Variants in ANXA6 observed in about 807,000 individuals in gnomAD.
ANXA6 encodes the protein annexin A6.
In ANXA6, 71 loss-of-function variants were observed where a neutral mutation model predicts 95.4. That is an observed-to-expected ratio of 0.74 (90% CI 0.61 to 0.91). ANXA6 has a LOEUF of 0.91. Ranked by LOEUF, ANXA6 falls within the 40% of genes least tolerant of loss-of-function variation. The probability of loss-of-function intolerance (pLI) is 0.00; values close to 1 mark genes in which losing one functional copy is unlikely to be tolerated. For missense variants in ANXA6, 830 were observed against 876.4 expected (o/e 0.95, Z 0.67); for synonymous variants, 289 against 315.9 (o/e 0.91, Z 0.90).
chr5:151,136,183 C>G (rs1276999744), intron 7 of ANXA6, 73 bp downstream of exon 7: 1 of 1,414,290 alleles, frequency 7.1e-7, no homozygotes, highest in Admixed American at 1.9e-5. Flanking sequence ...CCTGGACATT[C>G]AGATCTACAC....
At position 151,136,282 on chromosome 5, in the gene ANXA6, G is replaced by C. The variant is rs773983275; in HGVS notation, c.463C>G (p.Gln155Glu). Residue 155 changes from glutamine (Q) to glutamate (E), a missense_variant, in exon 7 of 26, where the codon CAG becomes GAG. Gln to Glu is a conservative substitution (Grantham distance 29). Coordinates refer to ENST00000354546, the MANE Select transcript of ANXA6 (RefSeq NM_001155.5). Reference protein sequence around the residue: ...DIIGDTSGHFQKMLVVLLQGT... With the variant: ...DIIGDTSGHFEKMLVVLLQGT... ...TGGAGCAGGACCACAAGCATCTTCT[G>C]GAAGTGGCCAGAGGTGTCGCCGATG... The C allele has an allele frequency of 3.7e-6, 6 of 1,613,852 alleles. No homozygotes were observed. Among genetic ancestry groups the C allele is most frequent in the Non-Finnish European group, 5.1e-6 (6 of 1,179,886 alleles).
At position 151,101,395 on chromosome 5, in the gene ANXA6, C is replaced by T. The variant is rs1168577257; in HGVS notation, c.*53G>A. On this transcript the variant is annotated 3_prime_UTR_variant, in exon 26 of 26. Coordinates refer to ENST00000354546, the MANE Select transcript of ANXA6 (RefSeq NM_001155.5). ...CTGGAACAATCAGGCTTGGCCATGG[C>T]GGCTGGTGCTGATAACCATTTCTTG... 6.1e-6 allele frequency: 8 copies of T among 1,321,298 alleles called. No homozygotes were observed. Among genetic ancestry groups the T allele is most frequent in the Middle Eastern group, 2.0e-4 (1 of 5,002 alleles). 81.8% of individuals were successfully genotyped at this position (1,321,298 alleles called of 1,614,324 possible).
chr5:151,107,214 A>G (rs1764717864), intron 23 of ANXA6, among the ~76,000 whole-genome samples: 2 of 152,270 alleles, frequency 1.3e-5, no homozygotes, highest in Non-Finnish European at 1.5e-5. Context: ...ACCCTTGTCC[A>G]GTGAGTATTA....
intron 23 of ANXA6, 66 bp downstream of exon 23, chr5:151,108,389 A>G (rs1256402190): frequency 6.9e-7 from 1 of 1,452,446 alleles, no homozygotes; most frequent in South Asian, 1.1e-5. Flanking sequence ...CCAAGGTTCT[A>G]TTCTTCCAGA....
chr5:151,120,278 C>CT (rs1765126186), intron 17 of ANXA6, among the ~76,000 whole-genome samples: 1 of 152,074 alleles, frequency 6.6e-6, no homozygotes, highest in African/African-American at 2.4e-5. Flanking sequence ...AGCAGGGAAA[C>CT]TATCAGGGAG....
chr5:151,131,816 G>A (rs892292157), intron 10 of ANXA6, among the ~76,000 whole-genome samples: 2 of 152,072 alleles, frequency 1.3e-5, no homozygotes, highest in African/African-American at 4.8e-5. Context: ...CTAACTGCTG[G>A]AATGCCAGAA....
chr5:151,142,989 C>A (rs1765877357), intron 2 of ANXA6, among the ~76,000 whole-genome samples: 1 of 152,194 alleles, frequency 6.6e-6, no homozygotes, highest in South Asian at 2.1e-4. Context: ...CAGCACCAGT[C>A]TCCAATCCAC....
At chr5:151,124,436 A>T in intron 14 of ANXA6, 69 bp from the exon 15 acceptor site, 2 of 1,486,580 alleles carry the variant, frequency 1.3e-6, no homozygotes, top group Non-Finnish European at 1.8e-6. Context: ...GAAAGACAGC[A>T]TGCGAGGGTG....
intron 10 of ANXA6, among the ~76,000 whole-genome samples, chr5:151,132,147 T>TCAGCA (rs2113932250): frequency 6.6e-6 from 1 of 152,254 alleles, no homozygotes; most frequent in East Asian, 1.9e-4. Flanking sequence ...GATTACACAC[T>TCAGCA]CAGCACAGTG....
At position 151,117,109 on chromosome 5, in the gene ANXA6, G is replaced by T; in HGVS notation, c.1572+18C>A. On this transcript the variant is annotated intron_variant, in intron 20 of 25. Transcript: ENST00000354546. Reference sequence around the variant, plus strand: ...GGGACACCCGGCAGAGGTGACTGGGGTGGGCTGGGGGTCTTACCTGGGCAT... The same window carrying T: ...GGGACACCCGGCAGAGGTGACTGGGTTGGGCTGGGGGTCTTACCTGGGCAT... 4 of 1,574,918 alleles carry T rather than the reference G, an allele frequency of 2.5e-6. No homozygotes were observed. Among genetic ancestry groups the T allele is most frequent in the South Asian group, 1.2e-5 (1 of 86,668 alleles).
At chr5:151,145,317 G>T (rs200149888) in intron 2 of ANXA6, among the ~76,000 whole-genome samples, 2 of 152,320 alleles carry the variant, frequency 1.3e-5, no homozygotes, top group East Asian at 1.9e-4. Context: ...GCTGACCTAG[G>T]TCTCACCTCC....
intron 13 of ANXA6, among the ~76,000 whole-genome samples, chr5:151,127,428 GC>G (rs1765357956): frequency 6.6e-6 from 1 of 152,194 alleles, no homozygotes; most frequent in South Asian, 2.1e-4. Context: ...CCACTTCTCT[GC>G]CTTATTTCTC....
chr5:151,119,719 G>A (rs1227153960), intron 17 of ANXA6, among the ~76,000 whole-genome samples: 5 of 152,200 alleles, frequency 3.3e-5, no homozygotes, highest in Non-Finnish European at 5.9e-5. Flanking sequence ...AGAAGGACAC[G>A]CACATGCCTC....
At chr5:151,108,360 GT>G in intron 23 of ANXA6, 94 bp downstream of exon 23, 3 of 1,143,092 alleles carry the variant, frequency 2.6e-6, no homozygotes, top group South Asian at 2.6e-5. Context: ...TTACTTTCCA[GT>G]AGTAGCTTCG....
At chr5:151,143,818 C>A (rs558315013) in intron 2 of ANXA6, among the ~76,000 whole-genome samples, 7 of 151,974 alleles carry the variant, frequency 4.6e-5, no homozygotes, top group Non-Finnish European at 1.0e-4. Context: ...CCAAGCAGAT[C>A]AGAGAAGGCT....
chr5:151,136,371 A>G (rs995506302), intron 6 of ANXA6, 36 bp from the exon 7 acceptor site: 7 of 1,601,540 alleles, frequency 4.4e-6, no homozygotes, highest in Non-Finnish European at 6.0e-6. Context: ...TCTCATCCCC[A>G]GAGACCTCAG....
At chr5:151,153,422 T>C (rs968795359) in intron 1 of ANXA6, among the ~76,000 whole-genome samples, 15 of 152,218 alleles carry the variant, frequency 9.9e-5, no homozygotes, top group African/African-American at 3.6e-4. Flanking sequence ...ACCACTGTTA[T>C]CTGCTGGATT....
intron 2 of ANXA6, chr5:151,141,780 C>G: frequency 3.0e-5 from 28 of 923,950 alleles, no homozygotes; most frequent in Non-Finnish European, 3.5e-5. Flanking sequence ...CCTGATCACG[C>G]CCCTGGGCAG....
At position 151,114,613 on chromosome 5, in the gene ANXA6, T is replaced by TAAAAAAAAA. The variant is rs61407672; in HGVS notation, c.1572+2505_1572+2513dup. Among the ~76,000 whole-genome samples, 629 of 70,314 alleles carry TAAAAAAAAA rather than the reference T, an allele frequency of 8.9e-3. 32 individuals carry two copies. The highest frequency in any genetic ancestry group is 0.011 in the South Asian group (16 of 1,420). The allele number at this position is 70,314 out of a possible 152,430, so 46.1% of individuals were successfully genotyped here. A position where few individuals can be genotyped will look rare whatever the true frequency, so the allele number is the denominator to read the frequency against. ...TGGGCAACAGAGCGAGACTCCGTCT[T>TAAAAAAAAA]AAAAAAAAAAAAAAAAAAAAAAAAA... On this transcript the variant is annotated intron_variant, in intron 20 of 25. Transcript: ENST00000354546.
Sources: gnomAD v4.1 joint callset for allele counts (sites outside exome capture counted in the v4.1 genomes callset) on GRCh38, gnomAD v4.1.1 for gene constraint, MANE v1.5 for transcripts, NCBI Gene and HGNC (gene_info 2026-07-23, HGNC 2026-07-21) for gene names.